Variants in RPS6KA4 observed in about 807,000 individuals in gnomAD.
The protein encoded by RPS6KA4 is ribosomal protein S6 kinase alpha-4.
In RPS6KA4, 38 loss-of-function variants were observed where a neutral mutation model predicts 89.6. That is an observed-to-expected ratio of 0.42 (90% confidence interval 0.33 to 0.56). RPS6KA4 has a LOEUF of 0.56. RPS6KA4 is among the 20% of genes least tolerant of loss of function. The probability of loss-of-function intolerance (pLI) is 0.07; values close to 1 mark genes in which losing one functional copy is unlikely to be tolerated. For synonymous variants in RPS6KA4, 495 were observed against 492.8 expected (o/e 1.00, Z -0.06); for missense variants, 873 against 1,098.8 (o/e 0.79, Z 2.90).
chr11:64,367,244 TG>T (rs1224146614), intron 9 of RPS6KA4, among the ~76,000 whole-genome samples: 1 of 152,182 alleles, frequency 6.6e-6, no homozygotes, highest in Non-Finnish European at 1.5e-5. Flanking sequence ...CTCCTGGGCT[TG>T]AGTGATCCTC....
At chr11:64,368,088 CA>C in intron 9 of RPS6KA4, 43 bp from the exon 10 acceptor site, 1 of 1,604,740 alleles carries the variant, frequency 6.2e-7, no homozygotes, top group Non-Finnish European at 8.5e-7. Context: ...CCCGCACCCC[CA>C]ACCCCCATGC....
At chr11:64,369,652 G>C in intron 13 of RPS6KA4, 33 bp downstream of exon 13, 12 of 1,600,034 alleles carry the variant, frequency 7.5e-6, no homozygotes, top group Non-Finnish European at 1.0e-5. Context: ...GGGGCGGAGC[G>C]GTGGCGCCGG....
intron 9 of RPS6KA4, among the ~76,000 whole-genome samples, chr11:64,367,449 T>G (rs567602698): frequency 8.5e-5 from 13 of 152,360 alleles, no homozygotes; most frequent in African/African-American, 3.1e-4. Flanking sequence ...TAGCTGGGAT[T>G]ACAGGCATGT....
At chr11:64,369,369 G>T in intron 12 of RPS6KA4, 77 bp from the exon 13 acceptor site, 1 of 1,444,412 alleles carries the variant, frequency 6.9e-7, no homozygotes, top group Non-Finnish European at 9.1e-7. Flanking sequence ...CCGAAGGCCG[G>T]GGGCGGGGCC....
Position 64,359,424 on chromosome 11 carries a change from G to C in RPS6KA4, c.102G>C (p.Glu34Asp). ...AGAAGGTGAGCGTGGAGAACTTCGA[G>C]CTGCTCAAGGTGCTGGGCACGGGAG... ...HEEKVSVENF[E>D]LLKVLGTGAY... The change falls in exon 2 of 17, where the codon GAG becomes GAC. Residue 34 changes from glutamate (E) to aspartate (D), a missense_variant. Coordinates refer to ENST00000334205, the MANE Select transcript of RPS6KA4 (RefSeq NM_003942.3). 1 of 1,613,738 alleles carries C rather than the reference G, an allele frequency of 6.2e-7. No individual in the cohort carries two copies. Among genetic ancestry groups the C allele is most frequent in the Non-Finnish European group, 8.5e-7 (1 of 1,179,824 alleles).
Position 64,369,708 on chromosome 11 carries a change from T to C in RPS6KA4, c.1612T>C (p.Tyr538His). The change falls in exon 14 of 17, where the codon TAC becomes CAC. Residue 538 changes from tyrosine to histidine, a missense_variant. Physicochemically the swap from Tyr to His is moderately conservative, Grantham distance 83 (BLOSUM62 2). Coordinates refer to ENST00000334205, the MANE Select transcript of RPS6KA4 (RefSeq NM_003942.3). ...CCCGCCGCCCTCGCAGAACATCCTG[T>C]ACGCCGACGACACGCCCGGGGCCCC... is the stretch of plus-strand genomic sequence containing the variant. ...HRDLKPENIL[Y>H]ADDTPGAPVK... 2 of 1,608,516 alleles carry C rather than the reference T, an allele frequency of 1.2e-6. No individual in the cohort carries two copies. The highest frequency in any genetic ancestry group is 8.5e-7 in the Non-Finnish European group (1 of 1,177,026).
In RPS6KA4 at chr11:64,370,711, C is replaced by T; in HGVS notation, c.2106C>T (p.Leu702=). Residue 702 remains leucine (L), a synonymous_variant, in exon 16 of 17, where the codon CTC becomes CTT. Coordinates refer to ENST00000334205, the MANE Select transcript of RPS6KA4 (RefSeq NM_003942.3). The surrounding 1 kb of genome is among the most constrained non-coding windows in gnomAD (Gnocchi z 4.1). ...CTGGGCCCGCAGTGCGCTCGGGTCT[C>T]AACGCCACCTTCATGGTAAGGGGCA... The part of the protein sequence containing the change: ...ESSGPAVRSG[L]NATFMAFNRG... 6.4e-7 allele frequency: 1 copy of T among 1,556,948 alleles called. No homozygotes were observed. The highest frequency in any genetic ancestry group is 8.7e-7 in the Non-Finnish European group (1 of 1,154,672).
chr11:64,369,146 C>T (rs1465637896), intron 12 of RPS6KA4, among the ~76,000 whole-genome samples: 5 of 152,120 alleles, frequency 3.3e-5, no homozygotes, highest in Admixed American at 6.5e-5. Flanking sequence ...CAAAAATTAG[C>T]CGGACGCGGT....
intron 2 of RPS6KA4, 133 bp downstream of exon 2, chr11:64,359,582 C>A: frequency 1.1e-6 from 1 of 908,336 alleles, no homozygotes; most frequent in Non-Finnish European, 1.7e-6. Context: ...CCTTGCCTGC[C>A]CCGCCCTGCC....
At chr11:64,363,110 T>C (rs1472101491) in intron 8 of RPS6KA4, among the ~76,000 whole-genome samples, 3 of 152,212 alleles carry the variant, frequency 2.0e-5, no homozygotes, top group African/African-American at 7.2e-5. Flanking sequence ...TTAATGGTCT[T>C]CTGCTTAAGT....
Position 64,370,563 on chromosome 11 carries a change from G to T in RPS6KA4, c.1958G>T (p.Gly653Val). The T allele has an allele frequency of 1.3e-6, 2 of 1,593,344 alleles. No individual in the cohort carries two copies. The highest frequency in any genetic ancestry group is 1.1e-5 in the South Asian group (1 of 89,712). ...CCACACTTCCTTGCCCCGCCTCCAG[G>T]GCTCCTGACCGTGGACCCCGCCAAG... The part of the protein sequence containing the change: ...VSEEAKELVR[G>V]LLTVDPAKRL... The change falls in exon 16 of 17, where the codon GGG becomes GTG. Residue 653 changes from glycine to valine, a missense_variant and splice_region_variant. Gly to Val is a moderately radical substitution (Grantham distance 109). Coordinates refer to ENST00000334205, the MANE Select transcript of RPS6KA4 (RefSeq NM_003942.3). This position sits in a 1 kb window ranked among gnomAD's most constrained non-coding sequence, Gnocchi z 4.1.
intron 2 of RPS6KA4, 71 bp from the exon 3 acceptor site, chr11:64,360,092 G>C (rs1181113216): frequency 7.1e-7 from 1 of 1,417,318 alleles, no homozygotes; most frequent in South Asian, 1.4e-5. Flanking sequence ...GGTTGGCATC[G>C]CCCCCACCCC....
intron 1 of RPS6KA4, 33 bp downstream of exon 1, chr11:64,359,323 G>A (rs1275306989): frequency 1.2e-6 from 2 of 1,604,950 alleles, no homozygotes; most frequent in Non-Finnish European, 1.7e-6. Context: ...GCTGCCCGGG[G>A]CAGGCCGGGA....
Position 64,369,872 on chromosome 11 carries a change from C to G in RPS6KA4, c.1776C>G (p.Leu592=). Residue 592 remains leucine, a synonymous_variant, in exon 14 of 17, where the codon CTC becomes CTG. Transcript: ENST00000334205. ...AGGGCTACGACGAGTCCTGCGACCT[C>G]TGGAGCCTGGGCGTCATTCTGGTAT... The part of the protein sequence containing the change: ...AQQGYDESCD[L]WSLGVILYMM... The G allele has an allele frequency of 6.4e-7, 1 of 1,552,002 alleles. No individual in the cohort carries two copies. Among genetic ancestry groups the G allele is most frequent in the South Asian group, 1.2e-5 (1 of 85,044 alleles).
At chr11:64,368,672 G>GCGA in intron 11 of RPS6KA4, 32 bp from the exon 12 acceptor site, 1 of 1,573,416 alleles carries the variant, frequency 6.4e-7, no homozygotes, top group Non-Finnish European at 8.6e-7. Context: ...CCGAAGCGCG[G>GCGA]CGACCGTAAC....
rs1463606947 is a variant in RPS6KA4, at chr11:64,371,341, T to G, written c.2180T>G (p.Leu727Arg). ...FFLKSVENAPLAKRRKQKLRS... is the reference protein window; with the variant it reads ...FFLKSVENAPRAKRRKQKLRS... ...CTGAAGAGCGTGGAGAATGCACCCC[T>G]GGCCAAGCGGCGGAAGCAGAAGCTG... The change falls in exon 17 of 17, where the codon CTG becomes CGG. Residue 727 changes from leucine (L) to arginine (R), a missense_variant. By Grantham distance (102) the Leu-to-Arg change is moderately radical. Coordinates refer to ENST00000334205, the MANE Select transcript of RPS6KA4 (RefSeq NM_003942.3). 1 of 1,612,774 alleles carries G rather than the reference T, an allele frequency of 6.2e-7. No individual in the cohort carries two copies. Among genetic ancestry groups the G allele is most frequent in the Non-Finnish European group, 8.5e-7 (1 of 1,179,906 alleles).
Position 64,370,483 on chromosome 11 carries a change from G to C in RPS6KA4, c.1958-80G>C, listed in dbSNP as rs907780262. The C allele has an allele frequency of 6.2e-7, 1 of 1,602,078 alleles. No homozygotes were observed. The highest frequency in any genetic ancestry group is 8.5e-7 in the Non-Finnish European group (1 of 1,174,050). On this transcript the variant is annotated intron_variant, in intron 15 of 16. Transcript: ENST00000334205. This position sits in a 1 kb window ranked among gnomAD's most constrained non-coding sequence, Gnocchi z 4.1. ...TCCTGGTTGGGGATGGGTAGGGGAG[G>C]AGAGTGGGGCTGTTACGATCTCTTT...
Position 64,361,864 on chromosome 11 carries a change from G to A in RPS6KA4, c.768G>A (p.Lys256=), listed in dbSNP as rs146267684. 5.6e-6 allele frequency: 9 copies of A among 1,612,502 alleles called. No individual in the cohort carries two copies. The African/African-American group carries it at 1.2e-4, about 22-fold the overall frequency. The change falls in exon 8 of 17, where the codon AAG becomes AAA. Residue 256 remains lysine (K), a synonymous_variant. Transcript: ENST00000334205. The surrounding 1 kb of genome is among the most constrained non-coding windows in gnomAD (Gnocchi z 4.7). ...TQAEVSRRIL[K]CSPPFPPRIG... is the part of the protein sequence containing the mutation. The stretch of plus-strand genomic sequence containing the variant: ...CCAATCCTCCCAGACGGATCCTGAA[G>A]TGCTCCCCTCCCTTCCCCCCTCGGA...
chr11:64,368,383 G>A, intron 10 of RPS6KA4, 85 bp from the exon 11 acceptor site: 2 of 1,542,582 alleles, frequency 1.3e-6, no homozygotes, highest in African/African-American at 1.4e-5. Context: ...AAGCCTCTCC[G>A]ACATGGGGCG....
Sources: allele counts gnomAD v4.1 joint callset (sites outside exome capture counted in the v4.1 genomes callset), GRCh38; gene constraint gnomAD v4.1.1; non-coding constraint Gnocchi (gnomAD v3.1); transcripts MANE v1.5; gene names NCBI Gene and HGNC (gene_info 2026-07-23, HGNC 2026-07-21).